Variants in FAM184B observed in about 807,000 individuals in gnomAD.
FAM184B encodes the protein protein FAM184B.
Under a neutral mutation model 135.9 loss-of-function variants are expected in FAM184B, and 111 were observed. The ratio of observed to expected loss-of-function variants is 0.82; its 90% CI spans 0.70 to 0.96. The LOEUF (loss-of-function observed/expected upper bound fraction) is 0.96. Among genes scored for constraint, FAM184B ranks in the 40% least tolerant of loss-of-function variants. FAM184B has a pLI of 0.00. For missense variants in FAM184B, 1,375 were observed against 1,323.9 expected (o/e 1.04, Z -0.60); for synonymous variants, 552 against 524.8 (o/e 1.05, Z -0.71).
At chr4:17,679,842 G>T (rs778732643) in intron 7 of FAM184B, among the ~76,000 whole-genome samples, 34 of 152,238 alleles carry the variant, frequency 2.2e-4, no homozygotes, top group Admixed American at 1.2e-3. Context: ...ATACTACTCA[G>T]CCATAAAAAG....
chr4:17,744,943 G>A (rs1301916052), intron 1 of FAM184B, among the ~76,000 whole-genome samples: 3 of 152,156 alleles, frequency 2.0e-5, no homozygotes, highest in Admixed American at 1.3e-4. Context: ...GCAGTAGGAC[G>A]CATGTCAGGT....
intron 17 of FAM184B, chr4:17,632,830 G>C (rs567233283): frequency 2.2e-6 from 1 of 454,150 alleles, no homozygotes; most frequent in African/African-American, 2.0e-5. Flanking sequence ...GAAAACAGAA[G>C]GTTCACCATT....
intron 1 of FAM184B, among the ~76,000 whole-genome samples, chr4:17,748,875 A>G (rs971363076): frequency 5.3e-5 from 8 of 151,932 alleles, no homozygotes; most frequent in Non-Finnish European, 1.2e-4. Flanking sequence ...TCACCCAGAC[A>G]TGAGTGTATT....
intron 15 of FAM184B, 51 bp from the exon 16 acceptor site, chr4:17,635,164 G>A (rs986883449): frequency 7.1e-7 from 1 of 1,415,782 alleles, no homozygotes; most frequent in Non-Finnish European, 9.7e-7. Flanking sequence ...CACAGCACTG[G>A]GTTTGACTTG....
intron 1 of FAM184B, among the ~76,000 whole-genome samples, chr4:17,766,793 C>T (rs1453746045): frequency 1.3e-5 from 2 of 152,250 alleles, no homozygotes; most frequent in Non-Finnish European, 2.9e-5. Flanking sequence ...CCTGCCAGTC[C>T]CGCGCAGAGC....
intron 5 of FAM184B, among the ~76,000 whole-genome samples, chr4:17,693,727 A>G (rs984180122): frequency 6.6e-6 from 1 of 152,234 alleles, no homozygotes; most frequent in Non-Finnish European, 1.5e-5. Flanking sequence ...TCAGTGTCAC[A>G]TAAGTAAAAA....
chr4:17,689,182 A>G (rs184120245), intron 6 of FAM184B, among the ~76,000 whole-genome samples: 1 of 152,212 alleles, frequency 6.6e-6, no homozygotes, highest in South Asian at 2.1e-4. Context: ...AAAAAAGTTA[A>G]TTGGTAAAGA....
chr4:17,700,061 A>C (rs942296275), intron 5 of FAM184B, among the ~76,000 whole-genome samples: 1 of 152,198 alleles, frequency 6.6e-6, no homozygotes, highest in Non-Finnish European at 1.5e-5. Flanking sequence ...AAAAGAGAGC[A>C]TACCTAGTAA....
intron 5 of FAM184B, among the ~76,000 whole-genome samples, chr4:17,703,422 C>A (rs1717032929): frequency 2.0e-5 from 3 of 151,480 alleles, no homozygotes; most frequent in Non-Finnish European, 4.4e-5. Context: ...CCCTTGAGCC[C>A]AGGAGGTTGA....
intron 7 of FAM184B, among the ~76,000 whole-genome samples, chr4:17,687,752 C>T (rs1716620739): frequency 1.3e-5 from 2 of 152,084 alleles, no homozygotes. Context: ...AAAGGACTGC[C>T]CAGCAACCAC....
intron 1 of FAM184B, among the ~76,000 whole-genome samples, chr4:17,760,760 C>G: frequency 6.6e-6 from 1 of 152,122 alleles, no homozygotes; most frequent in East Asian, 1.9e-4. Flanking sequence ...CTTGGAAACT[C>G]TGGCTTACCA....
At position 17,632,517 on chromosome 4, in the gene FAM184B, A is replaced by G; in HGVS notation, c.*15T>C. ...GTTTTTCAAGTATCCTCTGTGATGT[A>G]TCCCAAAGGTTAGCTTAGAAAGAAA... On this transcript the variant is annotated 3_prime_UTR_variant, in exon 18 of 18. Transcript: ENST00000265018. The G allele has an allele frequency of 6.5e-7, 1 of 1,538,274 alleles. No homozygotes were observed. Among genetic ancestry groups the G allele is most frequent in the Non-Finnish European group, 8.8e-7 (1 of 1,135,652 alleles).
chr4:17,744,073 C>G (rs1254128268), intron 1 of FAM184B, among the ~76,000 whole-genome samples: 1 of 152,194 alleles, frequency 6.6e-6, no homozygotes, highest in African/African-American at 2.4e-5. Flanking sequence ...GACTCCTTCA[C>G]TAACATTTGG....
At chr4:17,690,557 G>C (rs1210173216) in intron 6 of FAM184B, among the ~76,000 whole-genome samples, 1 of 152,204 alleles carries the variant, frequency 6.6e-6, no homozygotes. Flanking sequence ...CAACGCTCTT[G>C]CAAGACTCTA....
intron 16 of FAM184B, 34 bp downstream of exon 16, chr4:17,634,975 G>C: frequency 7.0e-7 from 1 of 1,435,178 alleles, no homozygotes; most frequent in Non-Finnish European, 9.6e-7. Flanking sequence ...CAATGGAATT[G>C]TATAATGCAT....
intron 15 of FAM184B, 45 bp downstream of exon 15, chr4:17,636,483 G>C: frequency 6.8e-7 from 1 of 1,465,618 alleles, no homozygotes; most frequent in Non-Finnish European, 9.3e-7. Context: ...GGAGCCCGCA[G>C]TGCCCGGCCA....
intron 7 of FAM184B, among the ~76,000 whole-genome samples, chr4:17,682,497 G>A (rs1716466036): frequency 2.0e-5 from 3 of 151,796 alleles, no homozygotes; most frequent in East Asian, 3.9e-4. Context: ...TTTATTGTTT[G>A]TTTATTTATT....
At position 17,631,425 on chromosome 4, in the gene FAM184B, A is replaced by G. The variant is rs1435438326; in HGVS notation, c.*1107T>C. 1.3e-5 allele frequency: 2 copies of G among 152,200 alleles called. No homozygotes were observed. The highest frequency in any genetic ancestry group is 2.9e-5 in the Non-Finnish European group (2 of 68,094). 9.4% of individuals were successfully genotyped at this position (152,200 alleles called of 1,614,324 possible). A position where few individuals can be genotyped will look rare whatever the true frequency, so the allele number is the denominator to read the frequency against. On this transcript the variant is annotated 3_prime_UTR_variant, in exon 18 of 18. Coordinates refer to ENST00000265018, the MANE Select transcript of FAM184B (RefSeq NM_015688.2). The stretch of plus-strand genomic sequence containing the variant: ...AGCTCTCCTCCCATCTCAGCCTCCC[A>G]AAGTGTTGGGATTACAGGCATGAGC...
intron 1 of FAM184B, among the ~76,000 whole-genome samples, chr4:17,754,551 CAGAAA>C (rs1560193811): frequency 1.5e-5 from 2 of 129,262 alleles, no homozygotes; most frequent in Non-Finnish European, 3.1e-5. Context: ...AACTCTGTCT[CAGAAA>C]AAAAAAAAAA....
Sources: gnomAD v4.1 joint callset for allele counts (sites outside exome capture counted in the v4.1 genomes callset) on GRCh38, gnomAD v4.1.1 for gene constraint, MANE v1.5 for transcripts, NCBI Gene and HGNC (gene_info 2026-07-23, HGNC 2026-07-21) for gene names.